USP22: variants seen among roughly 807,000 people sequenced by gnomAD.
USP22 encodes the protein ubiquitin carboxyl-terminal hydrolase 22.
Under a neutral mutation model 68.1 loss-of-function variants are expected in USP22, and 22 were observed. The ratio of observed to expected loss-of-function variants is 0.32; its 90% CI spans 0.23 to 0.46. The LOEUF is 0.46. Among genes scored for constraint, USP22 ranks in the 20% least tolerant of loss-of-function variants. The probability of loss-of-function intolerance (pLI) is 1.00; values close to 1 mark genes in which losing one functional copy is unlikely to be tolerated. For synonymous variants in USP22, 279 were observed against 274.2 expected (o/e 1.02, Z -0.17); for missense variants, 433 against 695.8 (o/e 0.62, Z 4.25).
intron 8 of USP22, among the ~76,000 whole-genome samples, chr17:21,008,673 CA>C (rs1913853498): frequency 2.0e-5 from 3 of 152,156 alleles, no homozygotes. Context: ...GAATCCTGGC[CA>C]GGGCGTCGCA....
Position 21,017,939 on chromosome 17 carries a change from C to A in USP22, c.690+3G>T. 6.2e-7 allele frequency: 1 copy of A among 1,613,836 alleles called. No homozygotes were observed. Among genetic ancestry groups the A allele is most frequent in the South Asian group, 1.1e-5 (1 of 91,010 alleles). On this transcript the variant is annotated splice_donor_region_variant and intron_variant, in intron 5 of 12. Coordinates refer to ENST00000261497, the MANE Select transcript of USP22 (RefSeq NM_015276.2). ...TTCCCCTGCAGAAGTCAATGGCGCT[C>A]ACCTCCTGAAACAGTGAGGACATCT...
At chr17:21,014,439 T>G (rs1225912267) in intron 6 of USP22, among the ~76,000 whole-genome samples, 3 of 152,240 alleles carry the variant, frequency 2.0e-5, no homozygotes, top group African/African-American at 7.2e-5. Context: ...TACTAGGACA[T>G]GAAATTCTAC....
At chr17:21,008,698 G>A (rs1913854318) in intron 8 of USP22, among the ~76,000 whole-genome samples, 1 of 152,176 alleles carries the variant, frequency 6.6e-6, no homozygotes, top group African/African-American at 2.4e-5. Context: ...CAGTGCTGAG[G>A]AGGTCACCAT....
At chr17:21,032,603 GTTCACATTCA>G (rs1972303868) in intron 1 of USP22, among the ~76,000 whole-genome samples, 1 of 152,152 alleles carries the variant, frequency 6.6e-6, no homozygotes, top group Non-Finnish European at 1.5e-5. Context: ...CTCACATGGG[GTTCACATTCA>G]TTTTTATTCT....
Position 21,002,940 on chromosome 17 carries a change from G to C in USP22, c.*91C>G. The C allele has an allele frequency of 6.6e-7, 1 of 1,508,634 alleles. No individual in the cohort carries two copies. Among genetic ancestry groups the C allele is most frequent in the Non-Finnish European group, 9.1e-7 (1 of 1,096,512 alleles). The allele number at this position is 1,508,634 out of a possible 1,614,324, so 93.5% of individuals were successfully genotyped here. A position where few individuals can be genotyped will look rare whatever the true frequency, so the allele number is the denominator to read the frequency against. The stretch of plus-strand genomic sequence containing the variant: ...GTGTCACCAGGCCGGGGAGGCGGCG[G>C]GAGACTTGGGGGAGGGGGGGGCCAG... On this transcript the variant is annotated 3_prime_UTR_variant, in exon 13 of 13. Coordinates refer to ENST00000261497, the MANE Select transcript of USP22 (RefSeq NM_015276.2).
At chr17:21,017,526 C>T (rs1374363027) in intron 5 of USP22, among the ~76,000 whole-genome samples, 3 of 152,230 alleles carry the variant, frequency 2.0e-5, no homozygotes, top group Non-Finnish European at 4.4e-5. Context: ...AGGACAGAGG[C>T]TCTGATGGGG....
chr17:21,020,244 CAA>C (rs3047597), intron 3 of USP22, among the ~76,000 whole-genome samples: 5 of 73,284 alleles, frequency 6.8e-5, no homozygotes, highest in African/African-American at 2.6e-4. Context: ...AATCAAAAAC[CAA>C]AAAAAAAAAA....
At chr17:21,028,746 A>C in intron 1 of USP22, 72 bp from the exon 2 acceptor site, 1 of 1,548,420 alleles carries the variant, frequency 6.5e-7, no homozygotes, top group Non-Finnish European at 8.7e-7. Flanking sequence ...ACAGTCAAGC[A>C]AAGCATCCCC....
intron 1 of USP22, among the ~76,000 whole-genome samples, chr17:21,040,157 A>G (rs1342596522): frequency 6.6e-6 from 1 of 152,268 alleles, no homozygotes; most frequent in East Asian, 1.9e-4. Context: ...CCTGGGTAAC[A>G]GAGCAAGACT....
chr17:21,019,239 T>A, intron 3 of USP22, 54 bp from the exon 4 acceptor site: 1 of 1,556,784 alleles, frequency 6.4e-7, no homozygotes. Flanking sequence ...TCACATCAAG[T>A]GTGTTTACAC....
rs898057519 is a variant in USP22 at position 21,015,892 on chromosome 17, G to A, written c.698C>T (p.Ser233Phe). 3.7e-6 allele frequency: 6 copies of A among 1,613,868 alleles called. No individual in the cohort carries two copies. The highest frequency in any genetic ancestry group is 1.7e-5 in the Admixed American group (1 of 59,974). Residue 233 changes from serine to phenylalanine, a missense_variant, in exon 6 of 13, where the codon TCT becomes TTT. Coordinates refer to ENST00000261497, the MANE Select transcript of USP22 (RefSeq NM_015276.2). ...CGGGATGTGAGGGGACCGGTGTCCAGAGTAAAACTGCCAGAGGGCGGGGAA... is the reference window on the plus strand; with the variant it reads ...CGGGATGTGAGGGGACCGGTGTCCAAAGTAAAACTGCCAGAGGGCGGGGAA... ...EMSSLFQEFYSGHRSPHIPYK... is the reference protein window; with the variant it reads ...EMSSLFQEFYFGHRSPHIPYK...
rs1034415705 is a variant in USP22, at chr17:21,002,058, A to G, written c.*973T>C. The G allele has an allele frequency of 6.6e-6, 1 of 152,244 alleles. No individual in the cohort carries two copies. Among genetic ancestry groups the G allele is most frequent in the African/African-American group, 2.4e-5 (1 of 41,430 alleles). 9.4% of individuals were successfully genotyped at this position (152,244 alleles called of 1,614,324 possible). ...GTAGCCAGGCAATGGGATAGAAGGC[A>G]AAGAAAATACGAGGGACAGAACCCA... On this transcript the variant is annotated 3_prime_UTR_variant, in exon 13 of 13. Transcript: ENST00000261497.
Position 21,021,148 on chromosome 17 carries a change from G to T in USP22, c.383C>A (p.Ala128Asp). ...YIYDKDMEII[A>D]KEEQRKAWKM... is the part of the protein sequence containing the mutation. ...CCAAGCTTTTCGCTGCTCCTCCTTGGCGATTATTTCCATGTCTTTGTCATA... is the reference window on the plus strand; with the variant it reads ...CCAAGCTTTTCGCTGCTCCTCCTTGTCGATTATTTCCATGTCTTTGTCATA... The change falls in exon 3 of 13, where the codon GCC (alanine) becomes GAC (aspartate). Residue 128 changes from alanine (A) to aspartate (D), a missense_variant. Ala to Asp is a moderately radical substitution (Grantham distance 126, BLOSUM62 -2). This residue lies in a region of USP22 where 144 missense variants were observed against 237.2 expected (regional missense o/e 0.61). Coordinates refer to ENST00000261497, the MANE Select transcript of USP22 (RefSeq NM_015276.2). The T allele has an allele frequency of 1.2e-6, 2 of 1,614,158 alleles. No individual in the cohort carries two copies. Among genetic ancestry groups the T allele is most frequent in the Non-Finnish European group, 1.7e-6 (2 of 1,180,026 alleles).
chr17:21,009,966 A>C (rs1195302666), intron 8 of USP22, among the ~76,000 whole-genome samples: 1 of 137,844 alleles, frequency 7.3e-6, no homozygotes, highest in Non-Finnish European at 1.6e-5. Flanking sequence ...CTCAAAAAAA[A>C]AAAATTAAAA....
intron 7 of USP22, 102 bp from the exon 8 acceptor site, chr17:21,011,411 C>T: frequency 7.0e-7 from 1 of 1,435,032 alleles, no homozygotes; most frequent in African/African-American, 1.4e-5. Flanking sequence ...CCCGCTGTGC[C>T]CTTTGTCACA....
Position 21,037,749 on chromosome 17 carries a change from T to G in USP22, c.171+4916A>C, listed in dbSNP as rs566205571. Among the ~76,000 whole-genome samples, 9 of 152,288 alleles carry G rather than the reference T, an allele frequency of 5.9e-5. No individual in the cohort carries two copies. The East Asian group carries it at 1.7e-3, about 29-fold the overall frequency. ...GTTCTGAATAAAGTATGCAGTGTAG[T>G]TAATGAACTAAATACACAAACACAA... On this transcript the variant is annotated intron_variant, in intron 1 of 12. Transcript: ENST00000261497.
chr17:21,028,819 A>C, intron 1 of USP22, 145 bp from the exon 2 acceptor site: 1 of 1,065,234 alleles, frequency 9.4e-7, no homozygotes, highest in Non-Finnish European at 1.3e-6. Context: ...ACTCTAGAGG[A>C]TCAGTTTAAT....
Position 21,000,533 on chromosome 17 carries a change from G to C in USP22, c.*2498C>G, listed in dbSNP as rs1006096332. ...CAGTTCTAATGTTCTCAGAACAGCA[G>C]CCACCCCTGAATGCAAGTGGAGACA... On this transcript the variant is annotated 3_prime_UTR_variant, in exon 13 of 13. Transcript: ENST00000261497. 1 of 152,244 alleles carries C rather than the reference G, an allele frequency of 6.6e-6. No homozygotes were observed. The highest frequency in any genetic ancestry group is 6.5e-5 in the Admixed American group (1 of 15,288). 9.4% of individuals were successfully genotyped at this position (152,244 alleles called of 1,614,324 possible). A position where few individuals can be genotyped will look rare whatever the true frequency, so the allele number is the denominator to read the frequency against.
chr17:21,032,241 G>A (rs916524863), intron 1 of USP22, among the ~76,000 whole-genome samples: 1 of 152,174 alleles, frequency 6.6e-6, no homozygotes, highest in African/African-American at 2.4e-5. Flanking sequence ...ATCTAGCTTT[G>A]TGTTAAGTCA....
Sources: allele counts gnomAD v4.1 joint callset (sites outside exome capture counted in the v4.1 genomes callset), GRCh38; gene constraint gnomAD v4.1.1; regional missense constraint gnomAD v4.1.1; transcripts MANE v1.5; gene names NCBI Gene and HGNC (gene_info 2026-07-23, HGNC 2026-07-21).